Variants in NCOA1 observed in about 807,000 individuals in gnomAD.
NCOA1 encodes the protein Hin-2 protein.
A neutral mutation model predicts 150.9 loss-of-function variants in NCOA1; 35 were observed. That is an observed-to-expected ratio of 0.23 (90% CI 0.18 to 0.31). The LOEUF (loss-of-function observed/expected upper bound fraction) is 0.31, where lower values mean the gene tolerates loss of function less well. Ranked by LOEUF, NCOA1 falls within the 10% of genes least tolerant of loss-of-function variation. NCOA1 has a pLI of 1.00. For missense variants in NCOA1, 1,491 were observed against 1,749.3 expected, an observed-to-expected ratio of 0.85 and a Z score of 2.63; for synonymous variants, 590 against 630.0, an observed-to-expected ratio of 0.94 and a Z score of 0.95.
intron 1 of NCOA1, among the ~76,000 whole-genome samples, chr2:24,543,878 T>C (rs1319786120): frequency 2.0e-5 from 3 of 152,180 alleles, no homozygotes; most frequent in Non-Finnish European, 4.4e-5. Context: ...AAAAGTGATA[T>C]GATCTGGTTT....
chr2:24,498,747 T>C (rs901689102), intron 1 of NCOA1, among the ~76,000 whole-genome samples: 2 of 152,042 alleles, frequency 1.3e-5, no homozygotes, highest in African/African-American at 4.8e-5. Flanking sequence ...AGGGAGGTGG[T>C]GGGGAGCAGT....
At chr2:24,729,013 G>T (rs1662856808) in intron 16 of NCOA1, among the ~76,000 whole-genome samples, 1 of 152,172 alleles carries the variant, frequency 6.6e-6, no homozygotes, top group South Asian at 2.1e-4. Flanking sequence ...GCGCAATTAG[G>T]TCACAATTTA....
chr2:24,576,170 G>GTTTTTGTTTTTGTTTTTTTTTTTTTT (rs1666967476), intron 2 of NCOA1, among the ~76,000 whole-genome samples: 3 of 46,330 alleles, frequency 6.5e-5, no homozygotes, highest in African/African-American at 1.9e-4. Context: ...TTTGTTTTTT[G>GTTTTTGTTTTTGTTTTTTTTTTTTTT]TTTTTTTTTT....
At chr2:24,742,445 A>G (rs1663653824) in intron 19 of NCOA1, among the ~76,000 whole-genome samples, 1 of 151,732 alleles carries the variant, frequency 6.6e-6, no homozygotes, top group African/African-American at 2.4e-5. Flanking sequence ...TATGCAAAGT[A>G]CGTTCCCCCT....
In NCOA1 at chr2:24,667,025, T is replaced by G. The variant is rs1016172452; in HGVS notation, c.256+1110T>G. Among the ~76,000 whole-genome samples the G allele has an allele frequency of 3.2e-4, 49 of 152,104 alleles. 1 individual carries two copies. The highest frequency in any genetic ancestry group is 3.0e-3 in the Admixed American group (45 of 15,252). On this transcript the variant is annotated intron_variant, in intron 6 of 22. Transcript: ENST00000348332. ...CTGAGGGTGATTTTACACTGCAAAGTTATTTAACATATGAGGAAATAATCT... is the reference window on the plus strand; with the variant it reads ...CTGAGGGTGATTTTACACTGCAAAGGTATTTAACATATGAGGAAATAATCT...
At chr2:24,762,924 A>C in intron 22 of NCOA1, 148 bp downstream of exon 22, 1 of 684,514 alleles carries the variant, frequency 1.5e-6, no homozygotes, top group Non-Finnish European at 2.6e-6. Context: ...CGTCCTGGGC[A>C]TGTTATGGAG....
chr2:24,687,228 CTCT>C lies in NCOA1; in HGVS notation c.532+4107_532+4109del, dbSNP rs1297437627. Among the ~76,000 whole-genome samples, 9 of 152,248 alleles carry C rather than the reference CTCT, an allele frequency of 5.9e-5. No individual in the cohort carries two copies. The East Asian group carries it at 1.3e-3, about 23-fold the overall frequency. On this transcript the variant is annotated intron_variant, in intron 8 of 22. Coordinates refer to ENST00000348332, the MANE Select transcript of NCOA1 (RefSeq NM_003743.5). ...GAACTGAGTGTGATTAGATATTTAGCTCTTCTTCTAGTAACATTCCGCAAGTAG... is the reference window on the plus strand; with the variant it reads ...GAACTGAGTGTGATTAGATATTTAGCTCTTCTAGTAACATTCCGCAAGTAG...
intron 18 of NCOA1, 121 bp from the exon 19 acceptor site, chr2:24,741,663 G>C: frequency 9.1e-7 from 1 of 1,103,244 alleles, no homozygotes; most frequent in Non-Finnish European, 1.3e-6. Context: ...AGTTTCCCTT[G>C]TACAGTGATA....
chr2:24,615,854 G>C (rs1048466111), intron 3 of NCOA1, among the ~76,000 whole-genome samples: 1 of 152,180 alleles, frequency 6.6e-6, no homozygotes, highest in Non-Finnish European at 1.5e-5. Context: ...AGTAAGTCCA[G>C]ATAGGAGGAA....
chr2:24,718,299 C>T (rs145941842), intron 14 of NCOA1, among the ~76,000 whole-genome samples: 111 of 152,244 alleles, frequency 7.3e-4, no homozygotes, highest in African/African-American at 2.5e-3. Flanking sequence ...TAAAAACTGA[C>T]CATACCAAGT....
At chr2:24,631,082 T>C (rs1669689074) in intron 3 of NCOA1, among the ~76,000 whole-genome samples, 1 of 152,184 alleles carries the variant, frequency 6.6e-6, no homozygotes, top group South Asian at 2.1e-4. Context: ...AATCTTGCAT[T>C]TTTTCACCCA....
intron 11 of NCOA1, among the ~76,000 whole-genome samples, chr2:24,700,144 T>TAAC (rs1673089508): frequency 2.8e-5 from 1 of 36,160 alleles, no homozygotes; most frequent in South Asian, 5.2e-4. Context: ...ACTTCATCGC[T>TAAC]AATAATAATA....
Position 24,691,593 on chromosome 2 carries a change from C to T in NCOA1, c.645C>T (p.Cys215=), listed in dbSNP as rs763357669. ...CAGGGACCGAGAACCAAGAAGCTTG[C>T]CAGCGTTATGAAGTAATGCAGTGTT... ...DEPGTENQEA[C]QRYEVMQCFT... is the part of the protein sequence containing the mutation. Residue 215 remains cysteine, a synonymous_variant, in exon 9 of 23, where the codon TGC becomes TGT. Transcript: ENST00000348332. 1 of 1,614,140 alleles carries T rather than the reference C, an allele frequency of 6.2e-7. No homozygotes were observed. The highest frequency in any genetic ancestry group is 1.1e-5 in the South Asian group (1 of 91,082).
At position 24,665,901 on chromosome 2, in the gene NCOA1, A is replaced by G. The variant is rs748666656; in HGVS notation, c.242A>G (p.Lys81Arg). 4 of 1,553,982 alleles carry G rather than the reference A, an allele frequency of 2.6e-6. No individual in the cohort carries two copies. Among genetic ancestry groups the G allele is most frequent in the Non-Finnish European group, 3.5e-6 (4 of 1,148,726 alleles). ...KKTVDQIQLM[K>R]RMEQEKSTTD... The stretch of plus-strand genomic sequence containing the variant: ...ACAGTCGATCAGATACAGCTAATGA[A>G]GAGAATGGAACAAGGTAAAAAAGAA... Residue 81 changes from lysine to arginine, a missense_variant, in exon 6 of 23, where the codon AAG (lysine) becomes AGG (arginine). Around this residue, in one of 8 missense-constraint regions of NCOA1, gnomAD observed 80 missense variants for 163.0 expected, o/e 0.49. Coordinates refer to ENST00000348332, the MANE Select transcript of NCOA1 (RefSeq NM_003743.5).
intron 1 of NCOA1, among the ~76,000 whole-genome samples, chr2:24,512,402 A>ATAT (rs1226718165): frequency 6.6e-6 from 1 of 152,270 alleles, no homozygotes; most frequent in African/African-American, 2.4e-5. Flanking sequence ...ACAGTGTTTT[A>ATAT]TAATTAAATG....
intron 3 of NCOA1, among the ~76,000 whole-genome samples, chr2:24,612,898 T>G (rs1255012466): frequency 2.0e-5 from 3 of 152,198 alleles, no homozygotes; most frequent in Non-Finnish European, 4.4e-5. Flanking sequence ...GTTTCCATTT[T>G]GGTTAGGGGC....
Position 24,673,388 on chromosome 2 carries a change from T to C in NCOA1, c.279T>C (p.Asp93=), listed in dbSNP as rs1163542753. ...TAGAGAAATCAACAACTGATGACGA[T>C]GTACAGAAATCAGACATCTCATCAA... ...MEQEKSTTDD[D]VQKSDISSSS... Residue 93 remains aspartate, a synonymous_variant, in exon 7 of 23, where the codon GAT becomes GAC. Coordinates refer to ENST00000348332, the MANE Select transcript of NCOA1 (RefSeq NM_003743.5). 1.1e-5 allele frequency: 17 copies of C among 1,577,712 alleles called. No individual in the cohort carries two copies. Among genetic ancestry groups the C allele is most frequent in the Non-Finnish European group, 1.5e-5 (17 of 1,166,996 alleles).
At chr2:24,634,112 C>T (rs1050599735) in intron 3 of NCOA1, among the ~76,000 whole-genome samples, 3 of 151,794 alleles carry the variant, frequency 2.0e-5, no homozygotes, top group Admixed American at 2.0e-4. Context: ...AAACATAAAA[C>T]GTTATATTGT....
At chr2:24,512,370 G>C (rs1341651292) in intron 1 of NCOA1, among the ~76,000 whole-genome samples, 1 of 152,246 alleles carries the variant, frequency 6.6e-6, no homozygotes, top group African/African-American at 2.4e-5. Context: ...ATTAAAGAGA[G>C]TTGGTGATTG....
Sources: gnomAD v4.1 joint callset for allele counts (sites outside exome capture counted in the v4.1 genomes callset) on GRCh38, gnomAD v4.1.1 for gene constraint, gnomAD v4.1.1 regional missense constraint, MANE v1.5 for transcripts, NCBI Gene and HGNC (gene_info 2026-07-23, HGNC 2026-07-21) for gene names.